MACROD2: variants seen among roughly 807,000 people sequenced by gnomAD.
MACROD2 encodes the protein ADP-ribose glycohydrolase MACROD2.
In MACROD2, 36 loss-of-function variants were observed where a neutral mutation model predicts 70.4. The observed-to-expected ratio is 0.51, with a 90% CI of 0.39 to 0.68. MACROD2 has a LOEUF of 0.68. Ranked by LOEUF, MACROD2 falls within the 30% of genes least tolerant of loss-of-function variation. The probability of loss-of-function intolerance (pLI) is 0.00; values close to 1 mark genes in which losing one functional copy is unlikely to be tolerated. For synonymous variants in MACROD2, 172 were observed against 178.8 expected (o/e 0.96, Z 0.30); for missense variants, 496 against 538.4 (o/e 0.92, Z 0.78).
chr20:15,275,494 A>T (rs1020495116), intron 6 of MACROD2, among the ~76,000 whole-genome samples: 1 of 152,204 alleles, frequency 6.6e-6, no homozygotes, highest in Non-Finnish European at 1.5e-5. Flanking sequence ...CCCGGTAAAC[A>T]TATAGTGGTA....
chr20:14,540,236 C>T (rs1884700), intron 4 of MACROD2, among the ~76,000 whole-genome samples: 19,669 of 152,128 alleles, frequency 0.13, 1,624 homozygotes, highest in Non-Finnish European at 0.16. Context: ...CCAAGTTTAT[C>T]ATGTCTGTGA....
At chr20:15,763,064 C>T (rs1409892739) in intron 8 of MACROD2, among the ~76,000 whole-genome samples, 4 of 152,138 alleles carry the variant, frequency 2.6e-5, no homozygotes, top group African/African-American at 9.7e-5. Flanking sequence ...GCTCAGTTCT[C>T]TTGTTAAAAG....
intron 15 of MACROD2, among the ~76,000 whole-genome samples, chr20:16,001,451 T>A (rs2066707821): frequency 6.6e-6 from 1 of 152,230 alleles, no homozygotes; most frequent in Non-Finnish European, 1.5e-5. Context: ...TATTTCATTG[T>A]GAAACTTCAA....
At chr20:14,964,786 A>T (rs569424138) in intron 5 of MACROD2, among the ~76,000 whole-genome samples, 13 of 152,240 alleles carry the variant, frequency 8.5e-5, no homozygotes, top group African/African-American at 3.1e-4. Context: ...TGTTATTTTT[A>T]AAAATCACGC....
chr20:15,910,409 TG>T (rs2065219597), intron 10 of MACROD2, among the ~76,000 whole-genome samples: 1 of 151,908 alleles, frequency 6.6e-6, no homozygotes, highest in Non-Finnish European at 1.5e-5. Context: ...TGTGTGTGTG[TG>T]TGTGTGTGTG....
chr20:15,493,846 T>C (rs2047261372), intron 7 of MACROD2, among the ~76,000 whole-genome samples: 1 of 152,176 alleles, frequency 6.6e-6, no homozygotes, highest in African/African-American at 2.4e-5. Flanking sequence ...TGTAGTGAAA[T>C]TTGATGAAAA....
chr20:15,233,464 G>A (rs1302670044), intron 6 of MACROD2, among the ~76,000 whole-genome samples: 1 of 152,024 alleles, frequency 6.6e-6, no homozygotes, highest in Non-Finnish European at 1.5e-5. Context: ...TTGAATAGTA[G>A]AGAGGGAAAT....
intron 15 of MACROD2, among the ~76,000 whole-genome samples, chr20:16,011,052 A>T (rs1176240394): frequency 6.6e-6 from 1 of 152,196 alleles, no homozygotes; most frequent in East Asian, 1.9e-4. Context: ...CAAATGGGAA[A>T]CAAGATGATT....
At chr20:14,161,803 C>T (rs1480884294) in intron 3 of MACROD2, among the ~76,000 whole-genome samples, 1 of 151,818 alleles carries the variant, frequency 6.6e-6, no homozygotes. Context: ...ACCGTGTTAG[C>T]CAGGATAGTC....
At chr20:14,437,987 G>GA (rs1408188789) in intron 3 of MACROD2, among the ~76,000 whole-genome samples, 6 of 151,992 alleles carry the variant, frequency 3.9e-5, no homozygotes, top group Non-Finnish European at 7.4e-5. Flanking sequence ...CAAAAATCCT[G>GA]AAAAAAATAT....
chr20:15,624,063 G>T (rs1332576088), intron 8 of MACROD2, among the ~76,000 whole-genome samples: 1 of 152,172 alleles, frequency 6.6e-6, no homozygotes, highest in Non-Finnish European at 1.5e-5. Flanking sequence ...CAAAAGTAGG[G>T]AAGCCAACAG....
chr20:14,750,473 T>C (rs1319465502), intron 5 of MACROD2, among the ~76,000 whole-genome samples: 1 of 152,130 alleles, frequency 6.6e-6, no homozygotes, highest in East Asian at 1.9e-4. Flanking sequence ...ATTATTATTA[T>C]TAGTTTGAGA....
intron 9 of MACROD2, among the ~76,000 whole-genome samples, chr20:15,878,184 A>G (rs1435092449): frequency 6.6e-6 from 1 of 152,072 alleles, no homozygotes; most frequent in Non-Finnish European, 1.5e-5. Flanking sequence ...GAAAGCATAC[A>G]GTATCTTATG....
intron 5 of MACROD2, among the ~76,000 whole-genome samples, chr20:15,060,473 G>A (rs1467198150): frequency 6.6e-6 from 1 of 152,142 alleles, no homozygotes; most frequent in Non-Finnish European, 1.5e-5. Context: ...ACAGCCTCGG[G>A]GCATTTCCCT....
chr20:14,883,335 A>G (rs922474240), intron 5 of MACROD2, among the ~76,000 whole-genome samples: 8 of 152,086 alleles, frequency 5.3e-5, no homozygotes, highest in Admixed American at 3.9e-4. Flanking sequence ...ATGTGGGTGT[A>G]TTTTCTTCCT....
At chr20:14,899,953 C>A (rs2073876253) in intron 5 of MACROD2, among the ~76,000 whole-genome samples, 1 of 152,104 alleles carries the variant, frequency 6.6e-6, no homozygotes, top group Non-Finnish European at 1.5e-5. Flanking sequence ...TACTAAATAA[C>A]TTTTATCAGT....
intron 10 of MACROD2, among the ~76,000 whole-genome samples, chr20:15,907,633 A>G (rs2147258575): frequency 6.6e-6 from 1 of 152,302 alleles, no homozygotes; most frequent in African/African-American, 2.4e-5. Flanking sequence ...TACACATGAG[A>G]CAAAGGTCAC....
At chr20:15,305,868 C>A (rs949112420) in intron 6 of MACROD2, among the ~76,000 whole-genome samples, 3 of 152,090 alleles carry the variant, frequency 2.0e-5, no homozygotes, top group Non-Finnish European at 2.9e-5. Flanking sequence ...ATGGTCTAAC[C>A]TTTTTCTTTC....
intron 2 of MACROD2, among the ~76,000 whole-genome samples, chr20:14,067,123 G>GTT (rs544348706): frequency 0.18 from 15,547 of 84,930 alleles, 1,893 homozygotes; most frequent in South Asian, 0.22. Context: ...ATTTTTTAGT[G>GTT]TTTTTTTTTT....
Sources: allele counts gnomAD v4.1 joint callset (sites outside exome capture counted in the v4.1 genomes callset), GRCh38; gene constraint gnomAD v4.1.1; transcripts MANE v1.5; gene names NCBI Gene and HGNC (gene_info 2026-07-23, HGNC 2026-07-21).